MSRB3: variants seen among roughly 807,000 people sequenced by gnomAD.
MSRB3 encodes methionine sulfoxide reductase B3.
In MSRB3, 13 loss-of-function variants were observed where a neutral mutation model predicts 21.0. The observed-to-expected ratio is 0.62, with a 90% CI of 0.40 to 0.98. MSRB3 has a LOEUF of 0.98. MSRB3 is among the 50% of genes least tolerant of loss of function. The pLI, the probability that MSRB3 is intolerant of heterozygous loss-of-function variation, is 0.00. For missense variants in MSRB3, 199 were observed against 230.3 expected, an observed-to-expected ratio of 0.86 and a Z score of 0.88; for synonymous variants, 87 against 88.6, an observed-to-expected ratio of 0.98 and a Z score of 0.10.
chr12:65,341,926 T>C (rs1203068167), intron 4 of MSRB3, among the ~76,000 whole-genome samples: 1 of 151,936 alleles, frequency 6.6e-6, no homozygotes, highest in Non-Finnish European at 1.5e-5. Flanking sequence ...AAAAACCTCT[T>C]AGTATAAATG....
chr12:65,335,424 A>G (rs1875699972), intron 4 of MSRB3, among the ~76,000 whole-genome samples: 2 of 152,248 alleles, frequency 1.3e-5, no homozygotes, highest in East Asian at 1.9e-4. Context: ...CTCCTGTGCA[A>G]TTTTATTCTA....
At chr12:65,343,988 G>A (rs1270353239) in intron 4 of MSRB3, 1 of 152,074 alleles carries the variant, frequency 6.6e-6, no homozygotes, top group Non-Finnish European at 1.5e-5. Context: ...CTTTGAATAA[G>A]CTACTTAACC....
In MSRB3 at chr12:65,406,701, A is replaced by G. The variant is rs144874183; in HGVS notation, c.292+37675A>G. 8.5e-5 allele frequency among the ~76,000 whole-genome samples: 13 copies of G among 152,308 alleles called. No individual in the cohort carries two copies. In the East Asian group the frequency reaches 1.9e-3, roughly 23 times the overall value. ...TGGTTTCAAAATTTACTACAAATCT[A>G]TGCTATGGTTTGAATGTTTGTGTCC... On this transcript the variant is annotated intron_variant, in intron 5 of 6. Transcript: ENST00000308259.
intron 5 of MSRB3, chr12:65,418,824 G>C: frequency 1.1e-6 from 1 of 909,946 alleles, no homozygotes; most frequent in Non-Finnish European, 1.8e-6. Flanking sequence ...AGTTACTGCT[G>C]TCCAAGGCAT....
intron 4 of MSRB3, among the ~76,000 whole-genome samples, chr12:65,344,800 G>C (rs1592544471): frequency 6.6e-6 from 1 of 152,064 alleles, no homozygotes; most frequent in East Asian, 1.9e-4. Flanking sequence ...AAAAGGCTTA[G>C]CTCAAGGGGA....
At chr12:65,304,439 A>C (rs1012732685) in intron 1 of MSRB3, among the ~76,000 whole-genome samples, 2 of 152,212 alleles carry the variant, frequency 1.3e-5, no homozygotes, top group African/African-American at 4.8e-5. Flanking sequence ...AAAATTATCT[A>C]CCAGATATTT....
intron 5 of MSRB3, among the ~76,000 whole-genome samples, chr12:65,388,876 A>AAGAAG (rs765376092): frequency 5.3e-5 from 8 of 152,296 alleles, no homozygotes; most frequent in South Asian, 4.1e-4. Flanking sequence ...GTCAAAAGAA[A>AAGAAG]AGAAGAGAAG....
At chr12:65,353,346 T>A (rs1048206760) in intron 4 of MSRB3, among the ~76,000 whole-genome samples, 2 of 152,108 alleles carry the variant, frequency 1.3e-5, no homozygotes, top group East Asian at 1.9e-4. Flanking sequence ...CCCATTATTA[T>A]TGTGTGGGAG....
At chr12:65,351,879 G>A (rs1877024007) in intron 4 of MSRB3, among the ~76,000 whole-genome samples, 1 of 152,108 alleles carries the variant, frequency 6.6e-6, no homozygotes, top group African/African-American at 2.4e-5. Context: ...AATTCTATCA[G>A]AGGTACAAGG....
chr12:65,387,155 C>G (rs546843252), intron 5 of MSRB3, among the ~76,000 whole-genome samples: 1 of 151,796 alleles, frequency 6.6e-6, no homozygotes, highest in African/African-American at 2.4e-5. Context: ...GAATGAAAGG[C>G]AATGAACAAG....
chr12:65,368,056 T>C (rs1878112944), intron 4 of MSRB3, among the ~76,000 whole-genome samples: 1 of 152,160 alleles, frequency 6.6e-6, no homozygotes, highest in East Asian at 1.9e-4. Context: ...ATGACTTTTC[T>C]TGAGGCTAAT....
intron 4 of MSRB3, among the ~76,000 whole-genome samples, chr12:65,361,970 G>A (rs1417097363): frequency 1.3e-5 from 2 of 151,904 alleles, no homozygotes; most frequent in African/African-American, 2.4e-5. Context: ...CATTATTATC[G>A]AAATGTAACA....
intron 2 of MSRB3, among the ~76,000 whole-genome samples, chr12:65,322,918 A>G (rs1175184011): frequency 2.6e-5 from 4 of 152,176 alleles, no homozygotes; most frequent in South Asian, 2.1e-4. Flanking sequence ...CTCAAATTTT[A>G]GTTTTATTTT....
At chr12:65,452,636 A>G (rs1483868908) in intron 5 of MSRB3, among the ~76,000 whole-genome samples, 1 of 152,170 alleles carries the variant, frequency 6.6e-6, no homozygotes, top group Admixed American at 6.5e-5. Context: ...AGCACTGACT[A>G]TCAATACTAT....
chr12:65,395,054 G>A (rs1879702161), intron 5 of MSRB3, among the ~76,000 whole-genome samples: 1 of 151,458 alleles, frequency 6.6e-6, no homozygotes, highest in Non-Finnish European at 1.5e-5. Flanking sequence ...AGCCAATTAG[G>A]CCAAAAAAGA....
At position 65,346,336 on chromosome 12, in the gene MSRB3, T is replaced by C. The variant is rs1159572298; in HGVS notation, c.263+17733T>C. ...TGATTTGCATTTCTCTGATGGCCAG[T>C]GATGGTGAGCATTTTTTCATGTGTT... is the stretch of plus-strand genomic sequence containing the variant. On this transcript the variant is annotated intron_variant, in intron 4 of 6. Coordinates refer to ENST00000308259, the MANE Select transcript of MSRB3 (RefSeq NM_001031679.3). Among the ~76,000 whole-genome samples the C allele has an allele frequency of 2.6e-5, 4 of 152,358 alleles. No individual in the cohort carries two copies. The East Asian group carries it at 7.7e-4, about 29-fold the overall frequency.
At chr12:65,457,155 T>G (rs943275615) in intron 6 of MSRB3, among the ~76,000 whole-genome samples, 1 of 152,152 alleles carries the variant, frequency 6.6e-6, no homozygotes, top group Admixed American at 6.5e-5. Flanking sequence ...TTCTTTTACC[T>G]TACAGTTTTT....
intron 2 of MSRB3, among the ~76,000 whole-genome samples, chr12:65,309,247 G>T (rs1454621933): frequency 6.6e-6 from 1 of 152,066 alleles, no homozygotes; most frequent in Non-Finnish European, 1.5e-5. Context: ...AATAAGTGAG[G>T]CATGAAAGTC....
chr12:65,292,441 C>A (rs12311523), intron 1 of MSRB3, among the ~76,000 whole-genome samples: 1 of 142,198 alleles, frequency 7.0e-6, no homozygotes, highest in African/African-American at 3.1e-5. Flanking sequence ...TCATTGTCAT[C>A]GTCATCATCA....
Sources: allele counts gnomAD v4.1 joint callset (sites outside exome capture counted in the v4.1 genomes callset), GRCh38; gene constraint gnomAD v4.1.1; transcripts MANE v1.5; gene names NCBI Gene and HGNC (gene_info 2026-07-23, HGNC 2026-07-21).